SULF1: variants seen among roughly 807,000 people sequenced by gnomAD.
SULF1 encodes the protein extracellular sulfatase Sulf-1.
SULF1 carries 46 observed loss-of-function variants against 110.5 expected under a neutral mutation model. That is an observed-to-expected ratio of 0.42 (90% CI 0.33 to 0.53). The LOEUF (loss-of-function observed/expected upper bound fraction) is 0.53, where lower values mean the gene tolerates loss of function less well. Among genes scored for constraint, SULF1 ranks in the 20% least tolerant of loss-of-function variants. The probability of loss-of-function intolerance (pLI) is 0.12; values close to 1 mark genes in which losing one functional copy is unlikely to be tolerated. For synonymous variants in SULF1, 371 were observed against 387.1 expected (o/e 0.96, Z 0.49); for missense variants, 941 against 1,094.2 (o/e 0.86, Z 1.98).
rs546508672 is a variant in SULF1 at position 69,552,943 on chromosome 8, C to G, written c.-133-10596C>G. Among the ~76,000 whole-genome samples the G allele has an allele frequency of 9.2e-5, 14 of 152,316 alleles. No homozygotes were observed. The South Asian group carries it at 2.7e-3, about 29-fold the overall frequency. On this transcript the variant is annotated intron_variant, in intron 3 of 22. Transcript: ENST00000402687. ...TCCTAATCTTAAATCTCACCCTAAACTAAACAGGTGGCCTAGTGAGTCCCT... is the reference window on the plus strand; with the variant it reads ...TCCTAATCTTAAATCTCACCCTAAAGTAAACAGGTGGCCTAGTGAGTCCCT...
At chr8:69,598,291 A>C (rs1430174263) in intron 8 of SULF1, among the ~76,000 whole-genome samples, 1 of 152,198 alleles carries the variant, frequency 6.6e-6, no homozygotes, top group Admixed American at 6.5e-5. Flanking sequence ...TTATTGGCTC[A>C]TGGAGGAAAT....
intron 19 of SULF1, among the ~76,000 whole-genome samples, chr8:69,630,421 T>C (rs1372380321): frequency 1.3e-5 from 2 of 152,228 alleles, no homozygotes; most frequent in African/African-American, 4.8e-5. Flanking sequence ...CCCGGGCTAC[T>C]GTTTCTCAAA....
At chr8:69,653,231 A>T (rs1026630860) in intron 22 of SULF1, among the ~76,000 whole-genome samples, 3 of 151,964 alleles carry the variant, frequency 2.0e-5, no homozygotes, top group African/African-American at 7.3e-5. Context: ...CACCACACTC[A>T]GCTAATTTTT....
intron 3 of SULF1, among the ~76,000 whole-genome samples, chr8:69,511,661 T>C (rs1399891650): frequency 4.6e-5 from 7 of 152,322 alleles, no homozygotes; most frequent in Admixed American, 1.3e-4. Context: ...ATTCTCAACA[T>C]CCACCACTAG....
At chr8:69,511,624 C>A (rs1002719109) in intron 3 of SULF1, among the ~76,000 whole-genome samples, 5 of 152,228 alleles carry the variant, frequency 3.3e-5, no homozygotes. Flanking sequence ...CCATATACCC[C>A]TGTCCTCACA....
intron 3 of SULF1, among the ~76,000 whole-genome samples, chr8:69,556,746 C>T (rs1815141426): frequency 1.3e-5 from 2 of 152,132 alleles, no homozygotes; most frequent in African/African-American, 4.8e-5. Flanking sequence ...CCCAAACCCA[C>T]TTTATGTTTT....
At chr8:69,538,020 G>A (rs1813548497) in intron 3 of SULF1, among the ~76,000 whole-genome samples, 1 of 150,690 alleles carries the variant, frequency 6.6e-6, no homozygotes, top group Admixed American at 6.6e-5. Context: ...TCGTGCAGTG[G>A]CGCCATCTCG....
chr8:69,579,160 CAAAA>C (rs1179542392), intron 6 of SULF1, among the ~76,000 whole-genome samples: 4 of 52,744 alleles, frequency 7.6e-5, no homozygotes, highest in Non-Finnish European at 1.3e-4. Flanking sequence ...GACTCTGTCT[CAAAA>C]AAAAAAAAAA....
At chr8:69,529,231 G>A (rs1320804725) in intron 3 of SULF1, among the ~76,000 whole-genome samples, 1 of 152,062 alleles carries the variant, frequency 6.6e-6, no homozygotes, top group Non-Finnish European at 1.5e-5. Flanking sequence ...AACAATGCTT[G>A]GATATATGAA....
chr8:69,588,639 C>T (rs1055366016), intron 7 of SULF1, among the ~76,000 whole-genome samples: 5 of 152,058 alleles, frequency 3.3e-5, no homozygotes, highest in South Asian at 4.1e-4. Flanking sequence ...AATATGTATC[C>T]GGTGTTTCAT....
At chr8:69,648,201 G>A (rs751838080) in intron 22 of SULF1, among the ~76,000 whole-genome samples, 6 of 151,754 alleles carry the variant, frequency 4.0e-5, no homozygotes, top group Non-Finnish European at 8.8e-5. Context: ...AGGAGCAGAT[G>A]TATTAACGCA....
intron 6 of SULF1, among the ~76,000 whole-genome samples, chr8:69,579,864 C>G (rs1164396086): frequency 1.3e-5 from 2 of 152,068 alleles, no homozygotes; most frequent in Admixed American, 1.3e-4. Context: ...CTATTGCTTT[C>G]CTAATAATGA....
intron 3 of SULF1, among the ~76,000 whole-genome samples, chr8:69,552,692 A>G (rs1814813077): frequency 6.6e-6 from 1 of 152,260 alleles, no homozygotes; most frequent in African/African-American, 2.4e-5. Flanking sequence ...TGGCCACATT[A>G]AAAACAATCC....
intron 3 of SULF1, among the ~76,000 whole-genome samples, chr8:69,539,067 C>T (rs13281284): frequency 0.26 from 39,814 of 152,072 alleles, 6,045 homozygotes; most frequent in East Asian, 0.55. Flanking sequence ...TCCAGGGCTG[C>T]CTTTGAAAGG....
rs1294381539 is a variant in SULF1, at chr8:69,632,497, TTG to T, written c.2284+2819_2284+2820del. On this transcript the variant is annotated intron_variant, in intron 19 of 22. Transcript: ENST00000402687. ...TCTATTACATATTTTAATAATATTA[TTG>T]CTGTATTCCTCATATTTGCTATGTC... Among the ~76,000 whole-genome samples, 151 of 152,146 alleles carry T rather than the reference TTG, an allele frequency of 9.9e-4. 1 individual carries two copies. Among genetic ancestry groups the T allele is most frequent in the African/African-American group, 3.5e-3 (143 of 41,416 alleles).
intron 15 of SULF1, among the ~76,000 whole-genome samples, chr8:69,624,869 TG>T (rs930815357): frequency 2.6e-5 from 4 of 152,222 alleles, no homozygotes; most frequent in African/African-American, 9.7e-5. Flanking sequence ...GATTAGGAAA[TG>T]TTTTCTTTCT....
At chr8:69,634,202 C>T (rs747111317) in intron 19 of SULF1, among the ~76,000 whole-genome samples, 1 of 152,098 alleles carries the variant, frequency 6.6e-6, no homozygotes, top group Non-Finnish European at 1.5e-5. Context: ...CCCTTCATAT[C>T]GTTTCCTATA....
At chr8:69,588,915 C>A in intron 7 of SULF1, 57 bp from the exon 8 acceptor site, 3 of 1,533,802 alleles carry the variant, frequency 2.0e-6, no homozygotes, top group Non-Finnish European at 2.7e-6. Context: ...TATTCAAATG[C>A]GATCTGATGA....
intron 8 of SULF1, chr8:69,592,782 C>T (rs945839383): frequency 3.6e-6 from 1 of 275,278 alleles, no homozygotes; most frequent in African/African-American, 2.3e-5. Flanking sequence ...AGGGCAATTT[C>T]ATGTGGCTCA....
Sources: gnomAD v4.1 joint callset for allele counts (sites outside exome capture counted in the v4.1 genomes callset) on GRCh38, gnomAD v4.1.1 for gene constraint, MANE v1.5 for transcripts, NCBI Gene and HGNC (gene_info 2026-07-23, HGNC 2026-07-21) for gene names.